Variants in ATP11A observed in about 807,000 individuals in gnomAD.
The protein encoded by ATP11A is ATPase phospholipid transporting 11A, also known as phospholipid-transporting ATPase IH.
Under a neutral mutation model 154.4 loss-of-function variants are expected in ATP11A, and 81 were observed. That is an observed-to-expected ratio of 0.52 (90% confidence interval 0.44 to 0.63). ATP11A has a LOEUF of 0.63. Among genes scored for constraint, ATP11A ranks in the 30% least tolerant of loss-of-function variants. The pLI is 0.00. For synonymous variants in ATP11A, 623 were observed against 585.9 expected (o/e 1.06, Z -0.91); for missense variants, 1,316 against 1,474.3 (o/e 0.89, Z 1.76).
intron 29 of ATP11A, among the ~76,000 whole-genome samples, chr13:112,879,407 C>T (rs1447498644): frequency 6.6e-6 from 1 of 152,176 alleles, no homozygotes; most frequent in Non-Finnish European, 1.5e-5. Context: ...CATTTCTGTA[C>T]TTGAAGACAT....
chr13:112,831,826 C>T (rs966580451), intron 13 of ATP11A, among the ~76,000 whole-genome samples: 28 of 152,172 alleles, frequency 1.8e-4, no homozygotes, highest in East Asian at 3.9e-4. Context: ...CATGCACACA[C>T]GCTCACATGC....
chr13:112,702,329 C>T (rs558283781), intron 1 of ATP11A, among the ~76,000 whole-genome samples: 2 of 124,970 alleles, frequency 1.6e-5, no homozygotes, highest in South Asian at 3.2e-4. Context: ...CTGGGCAACA[C>T]AGTGAGATTC....
intron 1 of ATP11A, among the ~76,000 whole-genome samples, chr13:112,758,981 GA>G (rs1594578482): frequency 6.6e-6 from 1 of 152,116 alleles, no homozygotes; most frequent in Non-Finnish European, 1.5e-5. Flanking sequence ...GAAAATCATT[GA>G]ACCAATTCAT....
chr13:112,704,576 G>T (rs1483499954), intron 1 of ATP11A, among the ~76,000 whole-genome samples: 1 of 152,246 alleles, frequency 6.6e-6, no homozygotes, highest in East Asian at 1.9e-4. Context: ...AGATGGGCTG[G>T]GGGTGTCCCC....
At chr13:112,805,163 A>T in intron 3 of ATP11A, 117 bp downstream of exon 3, 16 of 655,900 alleles carry the variant, frequency 2.4e-5, no homozygotes, top group East Asian at 6.2e-5. Context: ...CCCCTCACCT[A>T]TGATTAATTT....
intron 2 of ATP11A, among the ~76,000 whole-genome samples, chr13:112,786,983 ACCC>A (rs1454379966): frequency 4.6e-4 from 69 of 150,086 alleles, no homozygotes; most frequent in Middle Eastern, 3.5e-3. Context: ...TGATGCGTAG[ACCC>A]CTGTGGAGAC....
rs1366545716 is a variant in ATP11A, at chr13:112,831,424, T to C, written c.1271T>C (p.Met424Thr). Residue 424 changes from methionine (M) to threonine (T), a missense_variant, in exon 13 of 30, where the codon ATG (methionine) becomes ACG (threonine). Around this residue, in one of 5 missense-constraint regions of ATP11A, gnomAD observed 876 missense variants for 1,006.8 expected, o/e 0.87. Coordinates refer to ENST00000375645, the MANE Select transcript of ATP11A (RefSeq NM_015205.3). Reference sequence around the variant, plus strand: ...ACCGGCACCCTCACGGAAAACAACATGGAGTTCAAGGAGTGCTGCATCGAA... The same window carrying C: ...ACCGGCACCCTCACGGAAAACAACACGGAGTTCAAGGAGTGCTGCATCGAA... ...DKTGTLTENN[M>T]EFKECCIEGH... 1.2e-6 allele frequency: 2 copies of C among 1,614,056 alleles called. No individual in the cohort carries two copies. Among genetic ancestry groups the C allele is most frequent in the Non-Finnish European group, 1.7e-6 (2 of 1,179,984 alleles).
At chr13:112,749,699 ATG>A (rs2076645728) in intron 1 of ATP11A, among the ~76,000 whole-genome samples, 1 of 150,872 alleles carries the variant, frequency 6.6e-6, no homozygotes, top group Non-Finnish European at 1.5e-5. Flanking sequence ...CTGCTGAAGG[ATG>A]CGGGGTTGAA....
At chr13:112,730,465 A>C (rs1304360981) in intron 1 of ATP11A, among the ~76,000 whole-genome samples, 1 of 152,116 alleles carries the variant, frequency 6.6e-6, no homozygotes, top group East Asian at 1.9e-4. Flanking sequence ...TGATGTGATG[A>C]ACTCCCCTGC....
At chr13:112,691,878 C>G (rs2139434819) in intron 1 of ATP11A, among the ~76,000 whole-genome samples, 1 of 152,010 alleles carries the variant, frequency 6.6e-6, no homozygotes, top group Non-Finnish European at 1.5e-5. Context: ...CTCGGGGAAG[C>G]CTTAGGAAGG....
Position 112,810,609 on chromosome 13 carries a change from C to A in ATP11A, c.334-10C>A. ...GCTTCCTCTCTCCCTTCTTTCCTTC[C>A]TTTTTTTAGGGTTATGAAGACTGGC... On this transcript the variant is annotated splice_polypyrimidine_tract_variant and intron_variant, in intron 4 of 29. Coordinates refer to ENST00000375645, the MANE Select transcript of ATP11A (RefSeq NM_015205.3). 6.2e-7 allele frequency: 1 copy of A among 1,611,120 alleles called. No individual in the cohort carries two copies. The highest frequency in any genetic ancestry group is 8.5e-7 in the Non-Finnish European group (1 of 1,177,706).
At chr13:112,766,788 G>T (rs2077087706) in intron 1 of ATP11A, among the ~76,000 whole-genome samples, 1 of 144,116 alleles carries the variant, frequency 6.9e-6, no homozygotes, top group Admixed American at 7.1e-5. Context: ...CCTGTGAGGA[G>T]GATGTGGGGG....
intron 1 of ATP11A, among the ~76,000 whole-genome samples, chr13:112,776,963 G>A (rs1488815401): frequency 6.6e-6 from 1 of 152,192 alleles, no homozygotes; most frequent in Non-Finnish European, 1.5e-5. Context: ...AAATGCTGTG[G>A]TGCACACTGA....
Position 112,862,550 on chromosome 13 carries a change from A to G in ATP11A, c.2966A>G (p.Asn989Ser), listed in dbSNP as rs758239102. 5 of 1,614,202 alleles carry G rather than the reference A, an allele frequency of 3.1e-6. No individual in the cohort carries two copies. In the South Asian group the frequency reaches 5.5e-5, roughly 18 times the overall value. Residue 989 changes from asparagine (N) to serine (S), a missense_variant, in exon 25 of 30, where the codon AAT (asparagine) becomes AGT (serine). Physicochemically the swap from Asn to Ser is conservative, Grantham distance 46. This residue lies in a region of ATP11A where 294 missense variants were observed against 290.2 expected (regional missense o/e 1.01). Transcript: ENST00000375645. Reference sequence around the variant, plus strand: ...TTTGGTGCTTATTTCGTGTTTGAAAATACAACTGTGACAAGCAACGGGCAG... The same window carrying G: ...TTTGGTGCTTATTTCGTGTTTGAAAGTACAACTGTGACAAGCAACGGGCAG... ...FFFGAYFVFE[N>S]TTVTSNGQIF...
Position 112,770,020 on chromosome 13 carries a change from T to G in ATP11A, c.40-15115T>G, listed in dbSNP as rs558022531. On this transcript the variant is annotated intron_variant, in intron 1 of 29. Coordinates refer to ENST00000375645, the MANE Select transcript of ATP11A (RefSeq NM_015205.3). Reference sequence around the variant, plus strand: ...TGCATTTCATGAGTCCAGCGGAGTCTGTTCCAACTGCACCCCCCAATCCTG... The same window carrying G: ...TGCATTTCATGAGTCCAGCGGAGTCGGTTCCAACTGCACCCCCCAATCCTG... Among the ~76,000 whole-genome samples, 4 of 152,362 alleles carry G rather than the reference T, an allele frequency of 2.6e-5. No homozygotes were observed. In the East Asian group the frequency reaches 7.7e-4, roughly 29 times the overall value.
rs572374850 is a variant in ATP11A, at chr13:112,861,557, G to C, written c.2856-883G>C. 2.3e-3 allele frequency among the ~76,000 whole-genome samples: 343 copies of C among 152,332 alleles called. 6 individuals are homozygous for C. The highest frequency in any genetic ancestry group is 3.4e-4 in the Non-Finnish European group (23 of 68,040). ...TTCTGTGCAGTCTTCTCACATGCGT[G>C]TTTCCTGCATCCACCACCATAGCCA... On this transcript the variant is annotated intron_variant, in intron 24 of 29. Coordinates refer to ENST00000375645, the MANE Select transcript of ATP11A (RefSeq NM_015205.3).
chr13:112,761,002 A>G (rs1444866869), intron 1 of ATP11A, among the ~76,000 whole-genome samples: 2 of 152,194 alleles, frequency 1.3e-5, no homozygotes, highest in African/African-American at 4.8e-5. Flanking sequence ...ACAATTCCCA[A>G]GTTTTAACTT....
At chr13:112,759,790 A>G (rs1247284120) in intron 1 of ATP11A, among the ~76,000 whole-genome samples, 1 of 152,228 alleles carries the variant, frequency 6.6e-6, no homozygotes, top group Non-Finnish European at 1.5e-5. Context: ...CGAAATGGCA[A>G]ATTCTTCTGT....
rs539785764 is a variant in ATP11A, at chr13:112,800,262, CAA to C, written c.163-4694_163-4693del. Among the ~76,000 whole-genome samples the C allele has an allele frequency of 5.5e-3, 818 of 150,050 alleles. 6 individuals are homozygous for C. Among genetic ancestry groups the C allele is most frequent in the African/African-American group, 0.018 (738 of 41,014 alleles). On this transcript the variant is annotated intron_variant, in intron 2 of 29. Coordinates refer to ENST00000375645, the MANE Select transcript of ATP11A (RefSeq NM_015205.3). ...TCAATAAAACTTTAGCCAGGCTAAA[CAA>C]GAGGAAAAGAAAAGAGACACAAATT...
Sources: gnomAD v4.1 joint callset for allele counts (sites outside exome capture counted in the v4.1 genomes callset) on GRCh38, gnomAD v4.1.1 for gene constraint, gnomAD v4.1.1 regional missense constraint, MANE v1.5 for transcripts, NCBI Gene and HGNC (gene_info 2026-07-23, HGNC 2026-07-21) for gene names.